Variants in AK8 observed in about 807,000 individuals in gnomAD.
AK8 encodes adenylate kinase 8, also known as ATP-AMP transphosphorylase 8.
A neutral mutation model predicts 54.6 loss-of-function variants in AK8; 44 were observed. The ratio of observed to expected loss-of-function variants is 0.81; its 90% confidence interval spans 0.63 to 1.04. AK8 has a LOEUF of 1.04. Among genes scored for constraint, AK8 ranks in the 50% least tolerant of loss-of-function variants. The pLI, the probability that AK8 is intolerant of heterozygous loss-of-function variation, is 0.00. For synonymous variants in AK8, 239 were observed against 245.6 expected, an observed-to-expected ratio of 0.97 and a Z score of 0.25; for missense variants, 555 against 613.6, an observed-to-expected ratio of 0.90 and a Z score of 1.01.
At chr9:132,874,780 C>T (rs563172722) in intron 2 of AK8, among the ~76,000 whole-genome samples, 20 of 152,358 alleles carry the variant, frequency 1.3e-4, no homozygotes, top group African/African-American at 4.3e-4. Context: ...ACCCAACAGG[C>T]GACATCAGCT....
chr9:132,796,650 C>T (rs896204393), intron 10 of AK8, among the ~76,000 whole-genome samples: 3 of 151,804 alleles, frequency 2.0e-5, no homozygotes, highest in Admixed American at 6.6e-5. Flanking sequence ...ATAGACAGGT[C>T]GAGGCAGAAG....
chr9:132,758,097 C>T (rs1838279946), intron 11 of AK8, among the ~76,000 whole-genome samples: 1 of 152,228 alleles, frequency 6.6e-6, no homozygotes, highest in Non-Finnish European at 1.5e-5. Context: ...CCAAAGCATC[C>T]ATCACTTTCA....
intron 4 of AK8, among the ~76,000 whole-genome samples, chr9:132,858,200 T>G (rs139024115): frequency 6.6e-6 from 1 of 152,252 alleles, no homozygotes; most frequent in East Asian, 1.9e-4. Flanking sequence ...CAATTTGGAT[T>G]TTTCTCTCTT....
chr9:132,786,049 AC>A lies in AK8; in HGVS notation c.1121+6584del, dbSNP rs111272403. ...CAAAGGTTTCGATGCTGGAAAGCAG[AC>A]TTGAACCAGAGGCAACGAGCTGAGG... is the stretch of plus-strand genomic sequence containing the variant. On this transcript the variant is annotated intron_variant, in intron 11 of 12. Coordinates refer to ENST00000298545, the MANE Select transcript of AK8 (RefSeq NM_152572.3). Among the ~76,000 whole-genome samples the A allele has an allele frequency of 4.8e-3, 727 of 152,358 alleles. 4 individuals carry two copies. Among genetic ancestry groups the A allele is most frequent in the African/African-American group, 0.017 (694 of 41,582 alleles).
intron 7 of AK8, 92 bp from the exon 8 acceptor site, chr9:132,827,146 C>G: frequency 7.6e-7 from 1 of 1,322,816 alleles, no homozygotes; most frequent in Admixed American, 1.7e-5. Context: ...GTCCTGGAGG[C>G]CAGGCCCTAC....
chr9:132,863,314 G>A (rs1221283045), intron 4 of AK8, among the ~76,000 whole-genome samples: 1 of 152,254 alleles, frequency 6.6e-6, no homozygotes, highest in African/African-American at 2.4e-5. Flanking sequence ...TCCTGGCGCG[G>A]GCCGCCAGGT....
Position 132,795,345 on chromosome 9 carries a change from G to A in AK8, c.980-2570C>T, listed in dbSNP as rs541605821. 8.5e-5 allele frequency among the ~76,000 whole-genome samples: 13 copies of A among 152,222 alleles called. No individual in the cohort carries two copies. The East Asian group carries it at 1.5e-3, about 18-fold the overall frequency. On this transcript the variant is annotated intron_variant, in intron 10 of 12. Coordinates refer to ENST00000298545, the MANE Select transcript of AK8 (RefSeq NM_152572.3). ...CCTGCTATAGACCCCCTGTACACTC[G>A]GGGTGCACTTGGCTCTTTCCACATT...
At chr9:132,771,989 C>A (rs1401956789) in intron 11 of AK8, among the ~76,000 whole-genome samples, 1 of 152,010 alleles carries the variant, frequency 6.6e-6, no homozygotes, top group Non-Finnish European at 1.5e-5. Context: ...GGGGAACTCC[C>A]CCTTAAAAAA....
chr9:132,775,276 CTGTT>C (rs760208049), intron 11 of AK8, among the ~76,000 whole-genome samples: 5 of 152,138 alleles, frequency 3.3e-5, no homozygotes, highest in Non-Finnish European at 7.4e-5. Context: ...TGCAGTGAGA[CTGTT>C]TGTGTCTGTT....
intron 11 of AK8, among the ~76,000 whole-genome samples, chr9:132,782,045 C>T (rs1342878947): frequency 6.6e-6 from 1 of 152,100 alleles, no homozygotes; most frequent in Non-Finnish European, 1.5e-5. Flanking sequence ...TTTGTTCCTG[C>T]CTGTCCTTCG....
intron 10 of AK8, among the ~76,000 whole-genome samples, chr9:132,802,029 A>G (rs1478348187): frequency 1.3e-5 from 2 of 152,126 alleles, no homozygotes; most frequent in Non-Finnish European, 2.9e-5. Context: ...TCTGCATTCC[A>G]CTTGCAGCCT....
At chr9:132,794,591 C>T (rs187585733) in intron 10 of AK8, among the ~76,000 whole-genome samples, 17 of 152,304 alleles carry the variant, frequency 1.1e-4, no homozygotes, top group East Asian at 7.7e-4. Context: ...TTAATGTCTG[C>T]GTCTCTTTCA....
chr9:132,836,760 G>A (rs1045419188), intron 5 of AK8, among the ~76,000 whole-genome samples: 2 of 152,230 alleles, frequency 1.3e-5, no homozygotes, highest in Admixed American at 1.3e-4. Flanking sequence ...GTGGGCTCAC[G>A]CCATTTGCCA....
At chr9:132,792,916 G>C (rs1233666632) in intron 10 of AK8, 141 bp from the exon 11 acceptor site, 1 of 1,071,686 alleles carries the variant, frequency 9.3e-7, no homozygotes, top group African/African-American at 1.6e-5. Flanking sequence ...GGACAAGGTT[G>C]TCAGTGCCTA....
Position 132,799,614 on chromosome 9 carries a change from CCA to C in AK8, c.980-6841_980-6840del, listed in dbSNP as rs1459553154. Reference sequence around the variant, plus strand: ...AGCTACAAACACACACACACACACACCACACACCCCCACACCCCTACACCCCA... The same window carrying C: ...AGCTACAAACACACACACACACACACCACACCCCCACACCCCTACACCCCA... On this transcript the variant is annotated intron_variant, in intron 10 of 12. Transcript: ENST00000298545. This position sits in a 1 kb window ranked among gnomAD's most constrained non-coding sequence, Gnocchi z 5.0. Among the ~76,000 whole-genome samples, 3 of 151,418 alleles carry C rather than the reference CCA, an allele frequency of 2.0e-5. No individual in the cohort carries two copies. Among genetic ancestry groups the C allele is most frequent in the Non-Finnish European group, 4.4e-5 (3 of 67,826 alleles).
chr9:132,828,301 G>A (rs963827974), intron 6 of AK8, among the ~76,000 whole-genome samples: 12 of 152,210 alleles, frequency 7.9e-5, no homozygotes, highest in Admixed American at 6.5e-4. Context: ...GGCCCATGAC[G>A]GAAAGTTCTG....
intron 10 of AK8, among the ~76,000 whole-genome samples, chr9:132,807,766 A>AT (rs1480566705): frequency 6.6e-6 from 1 of 152,228 alleles, no homozygotes; most frequent in Non-Finnish European, 1.5e-5. Flanking sequence ...AGCAGGGCTC[A>AT]TTTTATATTA....
At chr9:132,838,161 A>T (rs1842401720) in intron 5 of AK8, among the ~76,000 whole-genome samples, 1 of 152,212 alleles carries the variant, frequency 6.6e-6, no homozygotes, top group African/African-American at 2.4e-5. Flanking sequence ...GTGGACCAGC[A>T]TCTAGCTCCT....
At chr9:132,862,328 TC>T (rs1161835486) in intron 4 of AK8, among the ~76,000 whole-genome samples, 1 of 149,718 alleles carries the variant, frequency 6.7e-6, no homozygotes, top group Non-Finnish European at 1.5e-5. Flanking sequence ...CCTTTCTCTC[TC>T]TTTTTTTTTT....
Sources: gnomAD v4.1 joint callset for allele counts (sites outside exome capture counted in the v4.1 genomes callset) on GRCh38, gnomAD v4.1.1 for gene constraint, Gnocchi (gnomAD v3.1) non-coding constraint, MANE v1.5 for transcripts, NCBI Gene and HGNC (gene_info 2026-07-23, HGNC 2026-07-21) for gene names.